The following PRLR variants were observed in gnomAD, a reference collection of about 807,000 sequenced individuals.
PRLR encodes prolactin receptor, also known as hPRL receptor.
A neutral mutation model predicts 40.2 loss-of-function variants in PRLR; 13 were observed. The ratio of observed to expected loss-of-function variants is 0.32; its 90% CI spans 0.21 to 0.51. The LOEUF is 0.51. PRLR is among the 20% of genes least tolerant of loss of function. The pLI is 0.97. For missense variants in PRLR, 656 were observed against 747.3 expected (o/e 0.88, Z 1.42); for synonymous variants, 269 against 278.7 (o/e 0.97, Z 0.35).
At chr5:35,121,407 C>G (rs189751925) in intron 1 of PRLR, among the ~76,000 whole-genome samples, 3 of 152,220 alleles carry the variant, frequency 2.0e-5, no homozygotes, top group African/African-American at 7.2e-5. Context: ...CCACCCCCTC[C>G]TGAAAGCCTA....
intron 1 of PRLR, among the ~76,000 whole-genome samples, chr5:35,127,026 G>C (rs1314773478): frequency 6.6e-6 from 1 of 152,202 alleles, no homozygotes; most frequent in Non-Finnish European, 1.5e-5. Flanking sequence ...GCCACCTGGA[G>C]TAAGAACTGC....
intron 2 of PRLR, among the ~76,000 whole-genome samples, chr5:35,099,311 G>C (rs984242356): frequency 6.6e-6 from 1 of 152,174 alleles, no homozygotes; most frequent in African/African-American, 2.4e-5. Context: ...GGGCTGAAAA[G>C]TTCCTATTGC....
intron 5 of PRLR, among the ~76,000 whole-genome samples, chr5:35,079,171 C>A (rs184306120): frequency 1.1e-3 from 168 of 152,286 alleles, no homozygotes; most frequent in African/African-American, 3.8e-3. Context: ...CATCTCTCAC[C>A]GCTCCTATTC....
chr5:35,049,903 C>CTTT (rs57649490), intron 8 of PRLR, among the ~76,000 whole-genome samples: 56 of 123,484 alleles, frequency 4.5e-4, no homozygotes, highest in African/African-American at 6.6e-4. Context: ...AAACTACATT[C>CTTT]TTTTTTTTTT....
chr5:35,095,583 C>T (rs907899584), intron 2 of PRLR, among the ~76,000 whole-genome samples: 2 of 152,212 alleles, frequency 1.3e-5, no homozygotes, highest in African/African-American at 2.4e-5. Flanking sequence ...CAATAATTAG[C>T]TTCACACAAA....
chr5:35,156,932 G>A (rs1234048098), intron 1 of PRLR, among the ~76,000 whole-genome samples: 5 of 151,982 alleles, frequency 3.3e-5, no homozygotes, highest in Non-Finnish European at 7.4e-5. Context: ...GCTTCCTCAA[G>A]TCTTGTGACT....
intron 1 of PRLR, among the ~76,000 whole-genome samples, chr5:35,225,697 T>C: frequency 6.6e-6 from 1 of 152,244 alleles, no homozygotes; most frequent in African/African-American, 2.4e-5. Context: ...TTTGTTTTTG[T>C]TTGAGACGGA....
chr5:35,067,823 A>G (rs563898213), intron 9 of PRLR, among the ~76,000 whole-genome samples: 1 of 152,324 alleles, frequency 6.6e-6, no homozygotes, highest in Admixed American at 6.5e-5. Context: ...CTTTATGTAA[A>G]GAACATTCAA....
In PRLR at chr5:35,138,718, A is replaced by G. The variant is rs138223507; in HGVS notation, c.-105-20596T>C. Among the ~76,000 whole-genome samples, 300 of 152,338 alleles carry G rather than the reference A, an allele frequency of 2.0e-3. 1 individual carries two copies. The highest frequency in any genetic ancestry group is 7.0e-3 in the African/African-American group (293 of 41,584). On this transcript the variant is annotated intron_variant, in intron 1 of 9. Transcript: ENST00000618457. ...ATAGGGCACCAGTCAAAAACAATAC[A>G]TGGTTCACAGCAGGTTTCTGGATCA...
At chr5:35,203,289 T>C (rs1162723755) in intron 1 of PRLR, among the ~76,000 whole-genome samples, 1 of 152,198 alleles carries the variant, frequency 6.6e-6, no homozygotes, top group Non-Finnish European at 1.5e-5. Flanking sequence ...TGGCAAAATA[T>C]GGCTAAACTC....
intron 1 of PRLR, among the ~76,000 whole-genome samples, chr5:35,200,673 A>T (rs938307203): frequency 7.2e-5 from 11 of 152,100 alleles, no homozygotes; most frequent in African/African-American, 1.7e-4. Context: ...GACACTAGGG[A>T]TGTAGTTTCA....
At chr5:35,090,871 C>T (rs1479573861) in intron 2 of PRLR, among the ~76,000 whole-genome samples, 6 of 130,318 alleles carry the variant, frequency 4.6e-5, no homozygotes, top group African/African-American at 5.7e-5. Flanking sequence ...AGTGCAGTGG[C>T]GCGATCTGGG....
chr5:35,153,342 A>G (rs1460091382), intron 1 of PRLR, among the ~76,000 whole-genome samples: 1 of 152,128 alleles, frequency 6.6e-6, no homozygotes, highest in East Asian at 1.9e-4. Context: ...TTGCCTTCTC[A>G]TGTTGCCCCC....
At position 35,055,767 on chromosome 5, in the gene PRLR, C is replaced by T. The variant is rs1156817813; in HGVS notation, c.*9322G>A. On this transcript the variant is annotated 3_prime_UTR_variant, in exon 10 of 10. Transcript: ENST00000618457. ...ATTACTACCATTGCAAAAGCATTTGCTCTGAAAAGGGACTGAAAAATGCAT... is the reference window on the plus strand; with the variant it reads ...ATTACTACCATTGCAAAAGCATTTGTTCTGAAAAGGGACTGAAAAATGCAT... 2.0e-5 allele frequency: 3 copies of T among 152,082 alleles called. No individual in the cohort carries two copies. The highest frequency in any genetic ancestry group is 1.5e-5 in the Non-Finnish European group (1 of 67,992). The allele number at this position is 152,082 out of a possible 1,614,324, so 9.4% of individuals were successfully genotyped here.
chr5:35,100,861 A>G (rs1439132140), intron 2 of PRLR, among the ~76,000 whole-genome samples: 1 of 152,202 alleles, frequency 6.6e-6, no homozygotes, highest in Non-Finnish European at 1.5e-5. Flanking sequence ...CAGCCAACAG[A>G]TGAAAGGCTC....
chr5:35,217,957 C>T (rs2111663210), intron 1 of PRLR, among the ~76,000 whole-genome samples: 1 of 152,286 alleles, frequency 6.6e-6, no homozygotes, highest in South Asian at 2.1e-4. Context: ...TATATTCACC[C>T]TTACTTTCTG....
At chr5:35,102,785 C>T (rs1771983527) in intron 2 of PRLR, among the ~76,000 whole-genome samples, 1 of 151,998 alleles carries the variant, frequency 6.6e-6, no homozygotes, top group South Asian at 2.1e-4. Context: ...TCAGGTGATC[C>T]ACCTGCCTCG....
chr5:35,133,981 C>T (rs529487814), intron 1 of PRLR, among the ~76,000 whole-genome samples: 4 of 152,070 alleles, frequency 2.6e-5, no homozygotes, highest in South Asian at 2.1e-4. Flanking sequence ...GGGAGCTAAA[C>T]GATGAGGATG....
intron 1 of PRLR, among the ~76,000 whole-genome samples, chr5:35,191,927 G>A (rs550936349): frequency 7.2e-5 from 11 of 152,274 alleles, no homozygotes; most frequent in Admixed American, 2.6e-4. Flanking sequence ...CCAGGAACAT[G>A]CTACCCAGAA....
Sources: gnomAD v4.1 joint callset for allele counts (sites outside exome capture counted in the v4.1 genomes callset) on GRCh38, gnomAD v4.1.1 for gene constraint, MANE v1.5 for transcripts, NCBI Gene and HGNC (gene_info 2026-07-23, HGNC 2026-07-21) for gene names.